The following ERCC8 variants were observed in gnomAD, a reference collection of about 807,000 sequenced individuals.
ERCC8 encodes the protein ERCC excision repair 8, CSA ubiquitin ligase complex subunit, also known as DNA excision repair protein ERCC-8.
ERCC8 carries 52 observed loss-of-function variants against 54.9 expected under a neutral mutation model. The observed-to-expected ratio is 0.95, with a 90% CI of 0.76 to 1.19. The LOEUF (loss-of-function observed/expected upper bound fraction) is 1.19, where lower values mean the gene tolerates loss of function less well. Ranked by LOEUF, ERCC8 falls within the 50% of genes most tolerant of loss-of-function variation. The pLI, the probability that ERCC8 is intolerant of heterozygous loss-of-function variation, is 0.00. For synonymous variants in ERCC8, 146 were observed against 157.2 expected (o/e 0.93, Z 0.53); for missense variants, 514 against 466.1 (o/e 1.10, Z -0.95).
chr5:60,917,649 T>G (rs527972511), intron 4 of ERCC8: 1 of 152,608 alleles, frequency 6.6e-6, no homozygotes, highest in Non-Finnish European at 1.5e-5. Context: ...GATGTGATCA[T>G]GTTCAGTTGG....
rs1168817798 is a variant in ERCC8 at position 60,870,196 on chromosome 5, T to C, written c.*4419A>G. On this transcript the variant is annotated 3_prime_UTR_variant, in exon 12 of 12. Transcript: ENST00000676185. Reference sequence around the variant, plus strand: ...CACAGTCAGGCCTGAATTAGTAACCTTGAATATCAAACACAAACTCTCAAA... The same window carrying C: ...CACAGTCAGGCCTGAATTAGTAACCCTGAATATCAAACACAAACTCTCAAA... 1.3e-5 allele frequency among the ~76,000 whole-genome samples: 2 copies of C among 152,066 alleles called. No homozygotes were observed. Among genetic ancestry groups the C allele is most frequent in the South Asian group, 4.1e-4 (2 of 4,824 alleles).
intron 8 of ERCC8, among the ~76,000 whole-genome samples, chr5:60,899,156 A>G (rs1748803044): frequency 6.6e-6 from 1 of 151,920 alleles, no homozygotes; most frequent in African/African-American, 2.4e-5. Flanking sequence ...GTCCAGAATT[A>G]ATTCTCTATC....
chr5:60,913,296 C>T (rs1005266936), intron 4 of ERCC8, among the ~76,000 whole-genome samples: 41 of 151,994 alleles, frequency 2.7e-4, no homozygotes, highest in Admixed American at 9.2e-4. Flanking sequence ...TTCAGAGATT[C>T]AACTTCTTCC....
intron 1 of ERCC8, among the ~76,000 whole-genome samples, chr5:60,931,280 C>T (rs373334122): frequency 5.3e-5 from 8 of 151,998 alleles, no homozygotes; most frequent in East Asian, 3.8e-4. Flanking sequence ...TTGGCTGAGC[C>T]GCATTTGAAC....
chr5:60,907,191 T>C (rs1749101843), intron 4 of ERCC8: 1 of 152,202 alleles, frequency 6.6e-6, no homozygotes. Context: ...TCTCCACAAA[T>C]ATACCAACTC....
chr5:60,892,711 G>C, intron 9 of ERCC8: 1 of 685,918 alleles, frequency 1.5e-6, no homozygotes, highest in South Asian at 1.6e-5. Context: ...ATGCAGTTAT[G>C]CAGGATGGTG....
chr5:60,878,116 C>G (rs1214470167), intron 11 of ERCC8, among the ~76,000 whole-genome samples: 1 of 152,162 alleles, frequency 6.6e-6, no homozygotes, highest in Non-Finnish European at 1.5e-5. Context: ...TTTTCTGCAT[C>G]TATTGAGATA....
intron 1 of ERCC8, among the ~76,000 whole-genome samples, chr5:60,933,219 T>TC (rs1324041180): frequency 1.6e-5 from 2 of 125,100 alleles, no homozygotes; most frequent in African/African-American, 3.4e-5. Context: ...TTTTTTTCTT[T>TC]TTTTTTTTTT....
In ERCC8 at chr5:60,868,865, C is replaced by T. The variant is rs1303573769; in HGVS notation, c.*5750G>A. Among the ~76,000 whole-genome samples, 1 of 152,180 alleles carries T rather than the reference C, an allele frequency of 6.6e-6. No individual in the cohort carries two copies. Among genetic ancestry groups the T allele is most frequent in the Non-Finnish European group, 1.5e-5 (1 of 68,028 alleles). ...GCACTATCCTGAGCCCTAGATTTAA[C>T]CTTCCGATGTCCAGAAATTCATTAC... On this transcript the variant is annotated 3_prime_UTR_variant, in exon 12 of 12. Coordinates refer to ENST00000676185, the MANE Select transcript of ERCC8 (RefSeq NM_000082.4).
At chr5:60,902,418 A>C (rs1288330893) in intron 7 of ERCC8, 24 bp downstream of exon 7, 1 of 1,577,312 alleles carries the variant, frequency 6.3e-7, no homozygotes, top group South Asian at 1.1e-5. Context: ...TACTAACTTC[A>C]AAAGCAAATA....
intron 3 of ERCC8, among the ~76,000 whole-genome samples, chr5:60,920,347 T>C (rs868090570): frequency 1.3e-5 from 2 of 151,978 alleles, no homozygotes; most frequent in African/African-American, 4.8e-5. Flanking sequence ...TACTTTTAAA[T>C]GAAACAAATT....
intron 9 of ERCC8, chr5:60,891,972 G>A: frequency 1.9e-6 from 1 of 529,608 alleles, no homozygotes; most frequent in Non-Finnish European, 3.9e-6. Context: ...AGAGGTGGAG[G>A]GCAGACATCA....
intron 3 of ERCC8, among the ~76,000 whole-genome samples, chr5:60,919,160 T>G (rs1247950732): frequency 6.6e-6 from 1 of 152,054 alleles, no homozygotes; most frequent in African/African-American, 2.4e-5. Context: ...ATAGTGGTAC[T>G]GTAGTTATGC....
intron 1 of ERCC8, among the ~76,000 whole-genome samples, chr5:60,934,686 T>C (rs1004576339): frequency 1.3e-5 from 2 of 152,272 alleles, no homozygotes; most frequent in Non-Finnish European, 2.9e-5. Flanking sequence ...CTAGAATTTT[T>C]ATGGCTTCAG....
intron 2 of ERCC8, among the ~76,000 whole-genome samples, chr5:60,927,038 T>TA (rs199955793): frequency 0.013 from 1,938 of 152,288 alleles, 21 homozygotes; most frequent in South Asian, 0.035. Context: ...CAAGAAAACT[T>TA]AGTATTAAAG....
intron 2 of ERCC8, 112 bp downstream of exon 2, chr5:60,928,752 T>C: frequency 1.5e-6 from 1 of 653,726 alleles, no homozygotes; most frequent in Non-Finnish European, 2.7e-6. Flanking sequence ...AATGCTACAA[T>C]TTAGGATTTT....
chr5:60,904,898 A>T (rs1042660283), intron 4 of ERCC8, 25 bp from the exon 5 acceptor site: 1 of 1,146,700 alleles, frequency 8.7e-7, no homozygotes, highest in South Asian at 1.2e-5. Context: ...ACATTTAAAA[A>T]GTATAAGGTT....
chr5:60,893,138 T>G (rs139440197), intron 9 of ERCC8: 9 of 831,840 alleles, frequency 1.1e-5, no homozygotes, highest in Admixed American at 1.8e-5. Context: ...CCTCCCCCAT[T>G]TGGAAGCAGC....
chr5:60,924,231 T>C (rs1269779349), intron 2 of ERCC8: 1 of 152,582 alleles, frequency 6.6e-6, no homozygotes, highest in East Asian at 1.9e-4. Flanking sequence ...AACCAATATC[T>C]AGATCCATCA....
Sources: allele counts gnomAD v4.1 joint callset (sites outside exome capture counted in the v4.1 genomes callset), GRCh38; gene constraint gnomAD v4.1.1; transcripts MANE v1.5; gene names NCBI Gene and HGNC (gene_info 2026-07-23, HGNC 2026-07-21).